The following DMD variants were observed in gnomAD, a reference collection of about 807,000 sequenced individuals.
DMD encodes the protein mutant dystrophin.
Under a neutral mutation model 330.1 loss-of-function variants are expected in DMD, and 63 were observed. The observed-to-expected ratio is 0.19, with a 90% confidence interval of 0.16 to 0.24. The LOEUF is 0.24. Ranked by LOEUF, DMD falls within the 10% of genes least tolerant of loss-of-function variation. The pLI, the probability that DMD is intolerant of heterozygous loss-of-function variation, is 1.00. For missense variants in DMD, 3,344 were observed against 2,684.1 expected (o/e 1.25, Z -5.43); for synonymous variants, 1,223 against 959.8 (o/e 1.27, Z -5.07).
intron 2 of DMD, among the ~76,000 whole-genome samples, chrX:32,881,031 A>C (rs760616146): frequency 8.8e-6 from 1 of 113,012 alleles, no homozygotes; most frequent in Non-Finnish European, 1.9e-5. Context: ...AAAAGCTAAA[A>C]ATCTTAGATT....
rs774414536 is a variant in DMD, at chrX:32,902,158, AACACACAC to A, written c.94-52346_94-52339del. Among the ~76,000 whole-genome samples the A allele has an allele frequency of 1.5e-3, 133 of 86,629 alleles. 1 individual carries two copies. Among genetic ancestry groups the A allele is most frequent in the East Asian group, 0.012 (33 of 2,779 alleles). 75.2% of individuals were successfully genotyped at this position (86,629 alleles called of 115,157 possible). A position where few individuals can be genotyped will look rare whatever the true frequency, so the allele number is the denominator to read the frequency against. ...CATAAGCAAGCATCACACACACACA[AACACACAC>A]ACACACACACACACACACACACACA... On this transcript the variant is annotated intron_variant, in intron 2 of 78. Coordinates refer to ENST00000357033, the MANE Select transcript of DMD (RefSeq NM_004006.3).
At chrX:33,298,643 T>C (rs1447267425) in intron 1 of DMD, among the ~76,000 whole-genome samples, 1 of 111,947 alleles carries the variant, frequency 8.9e-6, no homozygotes, top group South Asian at 3.7e-4. Context: ...TTCTTGCTGA[T>C]ACTCTGTGCC....
intron 41 of DMD, among the ~76,000 whole-genome samples, chrX:32,329,877 G>T (rs886070838): frequency 1.8e-5 from 2 of 112,438 alleles, no homozygotes; most frequent in Non-Finnish European, 3.8e-5. Context: ...CAAATTATCT[G>T]AACATCTTAA....
intron 7 of DMD, among the ~76,000 whole-genome samples, chrX:32,802,825 C>T (rs959859378): frequency 4.5e-5 from 5 of 111,863 alleles, no homozygotes; most frequent in African/African-American, 1.6e-4. Flanking sequence ...ATGAAGCCAA[C>T]TTGATCATGG....
At chrX:31,131,974 T>C (rs1387566424) in intron 77 of DMD, among the ~76,000 whole-genome samples, 1 of 111,936 alleles carries the variant, frequency 8.9e-6, no homozygotes, top group East Asian at 2.8e-4. Flanking sequence ...TTAGCTACTC[T>C]CTTGTGTTTT....
At chrX:32,236,789 C>T (rs920284329) in intron 43 of DMD, among the ~76,000 whole-genome samples, 3 of 111,465 alleles carry the variant, frequency 2.7e-5, no homozygotes, top group Non-Finnish European at 5.7e-5. Flanking sequence ...GCATGAAAAC[C>T]GACTAATATG....
At chrX:33,233,586 T>G (rs2052426320) in intron 1 of DMD, among the ~76,000 whole-genome samples, 1 of 112,705 alleles carries the variant, frequency 8.9e-6, no homozygotes, top group South Asian at 3.6e-4. Context: ...CATAATATTC[T>G]TGAAATGACA....
At chrX:32,611,462 T>C (rs752345440) in intron 12 of DMD, among the ~76,000 whole-genome samples, 12 of 111,992 alleles carry the variant, frequency 1.1e-4, no homozygotes, top group African/African-American at 3.9e-4. Context: ...AGAAATGGCA[T>C]ACTTTCAAGT....
chrX:32,104,264 G>A (rs1409089973), intron 44 of DMD, among the ~76,000 whole-genome samples: 1 of 111,955 alleles, frequency 8.9e-6, no homozygotes, highest in African/African-American at 3.2e-5. Flanking sequence ...AGCAATATTT[G>A]TTGAGCATTT....
chrX:32,545,916 T>C (rs1251146536), intron 16 of DMD, among the ~76,000 whole-genome samples: 7 of 110,074 alleles, frequency 6.4e-5, no homozygotes, highest in Non-Finnish European at 3.8e-5. Context: ...AGTCCATATA[T>C]ATCTTTATGT....
intron 51 of DMD, among the ~76,000 whole-genome samples, chrX:31,745,886 T>C (rs112018596): frequency 6.7e-4 from 73 of 109,155 alleles, no homozygotes; most frequent in African/African-American, 2.4e-3. Context: ...AGGATTATTA[T>C]CAGTGATAAG....
At chrX:31,689,543 C>T (rs1385855416) in intron 52 of DMD, among the ~76,000 whole-genome samples, 2 of 111,515 alleles carry the variant, frequency 1.8e-5, no homozygotes, top group Non-Finnish European at 3.8e-5. Context: ...GGCCATACTG[C>T]CCAAGGAAAT....
intron 44 of DMD, among the ~76,000 whole-genome samples, chrX:31,998,865 C>A (rs910069179): frequency 8.9e-6 from 1 of 111,776 alleles, no homozygotes; most frequent in African/African-American, 3.2e-5. Flanking sequence ...AAGTATTTAG[C>A]AAATAGCACT....
At chrX:31,875,018 TC>T (rs1483590134) in intron 48 of DMD, among the ~76,000 whole-genome samples, 169 bp downstream of exon 48, 1 of 111,582 alleles carries the variant, frequency 9.0e-6, no homozygotes, top group East Asian at 2.8e-4. Context: ...CCTGTAATAC[TC>T]CATTGCAGTG....
chrX:33,247,502 A>C (rs2052687347), intron 1 of DMD, among the ~76,000 whole-genome samples: 1 of 111,840 alleles, frequency 8.9e-6, no homozygotes, highest in African/African-American at 3.2e-5. Context: ...AGTGTATTGA[A>C]AATTGTATCT....
chrX:32,315,838 T>C (rs1295000036), intron 41 of DMD, among the ~76,000 whole-genome samples: 1 of 112,203 alleles, frequency 8.9e-6, no homozygotes, highest in Non-Finnish European at 1.9e-5. Context: ...AAGAGTGTTA[T>C]GTGGCATCTA....
At chrX:32,202,696 G>T (rs770584441) in intron 44 of DMD, among the ~76,000 whole-genome samples, 56 of 112,054 alleles carry the variant, frequency 5.0e-4, no homozygotes, top group African/African-American at 1.7e-3. Flanking sequence ...CCTTCAGATG[G>T]ATGCTAAAGT....
chrX:33,165,766 A>G (rs888495737), intron 1 of DMD, among the ~76,000 whole-genome samples: 1 of 111,663 alleles, frequency 9.0e-6, no homozygotes, highest in African/African-American at 3.2e-5. Context: ...CAAAGGGGGA[A>G]AGAGATGATT....
intron 9 of DMD, among the ~76,000 whole-genome samples, chrX:32,695,812 A>G (rs1172512715): frequency 8.9e-6 from 1 of 111,843 alleles, no homozygotes; most frequent in Non-Finnish European, 1.9e-5. Flanking sequence ...AAGAATGCCA[A>G]GATATTTCCC....
Sources: gnomAD v4.1 joint callset for allele counts (sites outside exome capture counted in the v4.1 genomes callset) on GRCh38, gnomAD v4.1.1 for gene constraint, MANE v1.5 for transcripts, NCBI Gene and HGNC (gene_info 2026-07-23, HGNC 2026-07-21) for gene names.